Variants in IDE observed in about 807,000 individuals in gnomAD.
The protein encoded by IDE is insulin-degrading enzyme.
Under a neutral mutation model 133.2 loss-of-function variants are expected in IDE, and 58 were observed. The ratio of observed to expected loss-of-function variants is 0.44; its 90% CI spans 0.35 to 0.54. The LOEUF (loss-of-function observed/expected upper bound fraction) is 0.54. Among genes scored for constraint, IDE ranks in the 20% least tolerant of loss-of-function variants. The pLI, the probability that IDE is intolerant of heterozygous loss-of-function variation, is 0.00. For missense variants in IDE, 981 were observed against 1,234.0 expected (o/e 0.79, Z 3.07); for synonymous variants, 396 against 421.3 (o/e 0.94, Z 0.73).
At chr10:92,497,275 A>G (rs989476799) in intron 11 of IDE, among the ~76,000 whole-genome samples, 1 of 152,194 alleles carries the variant, frequency 6.6e-6, no homozygotes, top group African/African-American at 2.4e-5. Context: ...ATAGGTAAAC[A>G]CCTTTGAACA....
chr10:92,569,659 A>G (rs1843699372), intron 1 of IDE, among the ~76,000 whole-genome samples: 2 of 152,224 alleles, frequency 1.3e-5, no homozygotes, highest in Admixed American at 6.5e-5. Context: ...TGAAAAAATG[A>G]TAACAACATA....
intron 1 of IDE, chr10:92,558,702 C>T (rs1843128414): frequency 6.6e-6 from 1 of 152,192 alleles, no homozygotes; most frequent in African/African-American, 2.4e-5. Flanking sequence ...TCAAGCGATT[C>T]TCCTGCCTCA....
In IDE at chr10:92,525,882, C is replaced by T. The variant is rs186643836; in HGVS notation, c.661+5866G>A. 3.7e-3 allele frequency among the ~76,000 whole-genome samples: 562 copies of T among 151,966 alleles called. 6 individuals carry two copies. The highest frequency in any genetic ancestry group is 0.013 in the African/African-American group (525 of 41,470). Reference sequence around the variant, plus strand: ...AAAAAGTAAAAGATCTCAGGCTGGGCGCAGTGGCTCACACCTCTAATCCCA... The same window carrying T: ...AAAAAGTAAAAGATCTCAGGCTGGGTGCAGTGGCTCACACCTCTAATCCCA... On this transcript the variant is annotated intron_variant, in intron 4 of 24. Transcript: ENST00000265986.
At chr10:92,524,229 C>T (rs1030428277) in intron 4 of IDE, among the ~76,000 whole-genome samples, 9 of 139,620 alleles carry the variant, frequency 6.4e-5, no homozygotes, top group Non-Finnish European at 1.1e-4. Context: ...TGCTTGAACC[C>T]GGGAAGTGGA....
chr10:92,492,259 C>CAA (rs199701512), intron 11 of IDE, among the ~76,000 whole-genome samples: 1 of 118,400 alleles, frequency 8.4e-6, no homozygotes, highest in African/African-American at 3.2e-5. Flanking sequence ...GACTCTGTCT[C>CAA]AAAAAAAAAA....
rs71480821 is a variant in IDE, at chr10:92,524,432, T to A, written c.661+7316A>T. Among the ~76,000 whole-genome samples the A allele has an allele frequency of 5.5e-3, 221 of 40,418 alleles. 6 individuals are homozygous for A. The highest frequency in any genetic ancestry group is 8.5e-3 in the Non-Finnish European group (187 of 21,900). 26.5% of individuals were successfully genotyped at this position (40,418 alleles called of 152,430 possible). ...ATATATTATATTATATATAATATAT[T>A]TTATATAATATATTTTATATATTAT... On this transcript the variant is annotated intron_variant, in intron 4 of 24. Coordinates refer to ENST00000265986, the MANE Select transcript of IDE (RefSeq NM_004969.4).
chr10:92,469,552 C>T (rs1845858609), intron 18 of IDE, among the ~76,000 whole-genome samples: 1 of 152,140 alleles, frequency 6.6e-6, no homozygotes, highest in Admixed American at 6.5e-5. Flanking sequence ...CCTCAGCCTC[C>T]TGAGTAGCTA....
At chr10:92,534,288 G>A (rs1850115847) in intron 3 of IDE, among the ~76,000 whole-genome samples, 2 of 152,204 alleles carry the variant, frequency 1.3e-5, no homozygotes, top group African/African-American at 4.8e-5. Flanking sequence ...TCTGAAAAGA[G>A]ATCAATGACA....
At chr10:92,465,146 G>C (rs1845609683) in intron 20 of IDE, among the ~76,000 whole-genome samples, 1 of 152,192 alleles carries the variant, frequency 6.6e-6, no homozygotes, top group Non-Finnish European at 1.5e-5. Context: ...TACTTGGAGA[G>C]ACTCATCCTT....
intron 17 of IDE, 126 bp downstream of exon 17, chr10:92,474,715 T>C: frequency 1.3e-6 from 1 of 792,398 alleles, no homozygotes; most frequent in Non-Finnish European, 2.0e-6. Context: ...TTATAAAACA[T>C]ATACACAGCC....
intron 19 of IDE, among the ~76,000 whole-genome samples, chr10:92,466,622 C>T (rs1589371012): frequency 7.3e-6 from 1 of 136,884 alleles, no homozygotes. Flanking sequence ...TGGCCCTTTT[C>T]TTTTTTTTTT....
In IDE at chr10:92,501,360, A is replaced by AT. The variant is rs1250796749; in HGVS notation, c.1430+3433dup. Among the ~76,000 whole-genome samples, 11 of 90,982 alleles carry AT rather than the reference A, an allele frequency of 1.2e-4. No homozygotes were observed. The East Asian group carries it at 2.0e-3, about 17-fold the overall frequency. The allele number at this position is 90,982 out of a possible 152,430, so 59.7% of individuals were successfully genotyped here. A position where few individuals can be genotyped will look rare whatever the true frequency, so the allele number is the denominator to read the frequency against. On this transcript the variant is annotated intron_variant, in intron 11 of 24. Transcript: ENST00000265986. ...CCGGGCAACAGAGCAAGACTCTGTC[A>AT]TTAAAAAAAAAAAAAAAAAAAAAAA...
chr10:92,573,814 G>C (rs1843918858), intron 1 of IDE, 108 bp downstream of exon 1: 1 of 759,012 alleles, frequency 1.3e-6, no homozygotes, highest in Non-Finnish European at 1.9e-6. Flanking sequence ...CGGGCGGCGT[G>C]AGGGGCAGCG....
At chr10:92,462,543 T>C (rs776691153) in intron 21 of IDE, among the ~76,000 whole-genome samples, 3 of 150,030 alleles carry the variant, frequency 2.0e-5, no homozygotes, top group Non-Finnish European at 4.4e-5. Flanking sequence ...GAGGTGGAGG[T>C]TGCGGTGAGC....
chr10:92,524,483 A>T (rs796144371), intron 4 of IDE, among the ~76,000 whole-genome samples: 390 of 12,686 alleles, frequency 0.031, 37 homozygotes, highest in African/African-American at 0.045. Context: ...TATAATATAT[A>T]TTATATTATA....
At chr10:92,483,004 T>C (rs1846710607) in intron 14 of IDE, among the ~76,000 whole-genome samples, 1 of 151,950 alleles carries the variant, frequency 6.6e-6, no homozygotes. Flanking sequence ...ATGGTCTCAC[T>C]CTCCTGACCT....
At chr10:92,499,637 G>T (rs1203008472) in intron 11 of IDE, among the ~76,000 whole-genome samples, 1 of 152,062 alleles carries the variant, frequency 6.6e-6, no homozygotes, top group Non-Finnish European at 1.5e-5. Flanking sequence ...TCATCATGTT[G>T]CCCAGGCTGG....
chr10:92,522,182 G>A (rs773686522), intron 4 of IDE, among the ~76,000 whole-genome samples: 1 of 152,162 alleles, frequency 6.6e-6, no homozygotes, highest in East Asian at 1.9e-4. Context: ...ACAGGATCAG[G>A]AGTCACTGAA....
Position 92,506,541 on chromosome 10 carries a change from C to G in IDE, c.1246-19G>C, listed in dbSNP as rs1409416626. The G allele has an allele frequency of 7.7e-7, 1 of 1,307,178 alleles. No homozygotes were observed. The highest frequency in any genetic ancestry group is 1.5e-5 in the African/African-American group (1 of 68,282). 81.0% of individuals were successfully genotyped at this position (1,307,178 alleles called of 1,614,324 possible). On this transcript the variant is annotated intron_variant, in intron 9 of 24. Coordinates refer to ENST00000265986, the MANE Select transcript of IDE (RefSeq NM_004969.4). ...TCAAGTCCTAAAATAGAAAGTTAAT[C>G]CAATTAGATACGGCCACCCTTATTT... is the stretch of plus-strand genomic sequence containing the variant.
Sources: gnomAD v4.1 joint callset for allele counts (sites outside exome capture counted in the v4.1 genomes callset) on GRCh38, gnomAD v4.1.1 for gene constraint, MANE v1.5 for transcripts, NCBI Gene and HGNC (gene_info 2026-07-23, HGNC 2026-07-21) for gene names.